DMD: variants seen among roughly 807,000 people sequenced by gnomAD.
DMD encodes dystrophin.
DMD carries 63 observed loss-of-function variants against 330.1 expected under a neutral mutation model. The ratio of observed to expected loss-of-function variants is 0.19; its 90% CI spans 0.16 to 0.24. The LOEUF is 0.24. Ranked by LOEUF, DMD falls within the 10% of genes least tolerant of loss-of-function variation. The probability of loss-of-function intolerance (pLI) is 1.00; values close to 1 mark genes in which losing one functional copy is unlikely to be tolerated. For synonymous variants in DMD, 1,223 were observed against 959.8 expected (o/e 1.27, Z -5.07); for missense variants, 3,344 against 2,684.1 (o/e 1.25, Z -5.43).
At chrX:32,594,878 G>C (rs1352194240) in intron 13 of DMD, among the ~76,000 whole-genome samples, 2 of 111,660 alleles carry the variant, frequency 1.8e-5, no homozygotes, top group African/African-American at 6.5e-5. Flanking sequence ...ATAAAGTATA[G>C]AACTCAAGCA....
chrX:32,753,190 C>G (rs773994744), intron 7 of DMD, among the ~76,000 whole-genome samples: 11 of 111,517 alleles, frequency 9.9e-5, no homozygotes, highest in Non-Finnish European at 1.7e-4. Context: ...CCTCCAGATA[C>G]AGATTCCCTG....
chrX:32,870,958 CAAAAAAAAAAAAAAAAAA>C lies in DMD; in HGVS notation c.94-21156_94-21139del, dbSNP rs745583714. On this transcript the variant is annotated intron_variant, in intron 2 of 78. Coordinates refer to ENST00000357033, the MANE Select transcript of DMD (RefSeq NM_004006.3). Reference sequence around the variant, plus strand: ...ATAGAACTAAAAGGCTTCTGTACAGCAAAAAAAAAAAAAAAAAAAAAAAAAAAAAACCACAAAACCCAT... The same window carrying C: ...ATAGAACTAAAAGGCTTCTGTACAGCAAAAAAAAAAAACCACAAAACCCAT... 1.6e-3 allele frequency among the ~76,000 whole-genome samples: 24 copies of C among 14,771 alleles called. No individual in the cohort carries two copies. In the South Asian group the frequency reaches 0.13, roughly 78 times the overall value. 12.8% of individuals were successfully genotyped at this position (14,771 alleles called of 115,157 possible).
At chrX:32,892,496 C>A (rs756742932) in intron 2 of DMD, among the ~76,000 whole-genome samples, 1 of 111,811 alleles carries the variant, frequency 8.9e-6, no homozygotes, top group Non-Finnish European at 1.9e-5. Flanking sequence ...TGGGTTCAAG[C>A]GATTGTCATG....
chrX:32,654,022 G>A (rs1158456744), intron 9 of DMD, among the ~76,000 whole-genome samples: 1 of 112,257 alleles, frequency 8.9e-6, no homozygotes, highest in Admixed American at 9.4e-5. Context: ...CTTTGCTGAA[G>A]TTGCTTATCA....
chrX:31,348,615 A>C lies in DMD; in HGVS notation c.9104T>G (p.Val3035Gly). Residue 3035 changes from valine to glycine, a missense_variant, in exon 61 of 79, where the codon GTC becomes GGC. Val to Gly is a moderately radical substitution (Grantham distance 109). Coordinates refer to ENST00000357033, the MANE Select transcript of DMD (RefSeq NM_004006.3). ...CCTGTGGGCTTCATGCAGCTGCCTG[A>C]CTCGGTCCTCGACGGCCACCTGGGA... is the stretch of plus-strand genomic sequence containing the variant. ...KLLQVAVEDRVRQLHEAHRDF... is the reference protein window; with the variant it reads ...KLLQVAVEDRGRQLHEAHRDF... The C allele has an allele frequency of 8.3e-7, 1 of 1,210,707 alleles. No individual in the cohort carries two copies. The highest frequency in any genetic ancestry group is 1.1e-6 in the Non-Finnish European group (1 of 894,877).
At chrX:32,266,171 T>C (rs905055199) in intron 43 of DMD, among the ~76,000 whole-genome samples, 1 of 111,582 alleles carries the variant, frequency 9.0e-6, no homozygotes, top group African/African-American at 3.3e-5. Context: ...GTTCTTGTGA[T>C]AGTGAGTTCT....
intron 37 of DMD, among the ~76,000 whole-genome samples, chrX:32,356,570 G>T (rs1335189006): frequency 1.8e-5 from 2 of 110,323 alleles, no homozygotes; most frequent in Non-Finnish European, 3.8e-5. Context: ...AAGAACATAT[G>T]CCAGATATAT....
intron 23 of DMD, among the ~76,000 whole-genome samples, chrX:32,465,716 G>A (rs185912393): frequency 1.4e-3 from 156 of 108,730 alleles, no homozygotes; most frequent in Non-Finnish European, 2.6e-3. Context: ...CTCCCAAGTA[G>A]CTGGGATTAC....
chrX:31,966,590 G>C (rs972818222), intron 45 of DMD, among the ~76,000 whole-genome samples: 1 of 110,362 alleles, frequency 9.1e-6, no homozygotes, highest in East Asian at 2.9e-4. Flanking sequence ...TGTTTAAATG[G>C]GAAAATTTTT....
chrX:31,163,146 GC>G (rs1696314299), intron 74 of DMD, among the ~76,000 whole-genome samples: 2 of 111,775 alleles, frequency 1.8e-5, no homozygotes, highest in Non-Finnish European at 3.8e-5. Context: ...ATATAGTTTG[GC>G]TGGATCTCCA....
intron 44 of DMD, among the ~76,000 whole-genome samples, chrX:32,033,591 C>CAGAA (rs1420861037): frequency 0.01 from 280 of 27,323 alleles, 5 homozygotes; most frequent in African/African-American, 0.023. Context: ...AAAAACAAGA[C>CAGAA]AGACAGACAG....
chrX:32,547,395 G>C (rs1198248114), intron 16 of DMD, among the ~76,000 whole-genome samples: 2 of 110,919 alleles, frequency 1.8e-5, no homozygotes, highest in East Asian at 5.7e-4. Flanking sequence ...AACCTTTTAA[G>C]AAAGAAAAAT....
intron 2 of DMD, among the ~76,000 whole-genome samples, chrX:32,892,993 A>T (rs73464896): frequency 0.012 from 1,300 of 112,001 alleles, 19 homozygotes; most frequent in East Asian, 0.083. Flanking sequence ...TAGAGTAAAA[A>T]TCATGTATCA....
intron 55 of DMD, among the ~76,000 whole-genome samples, chrX:31,588,300 C>T (rs1447996726): frequency 9.0e-6 from 1 of 111,291 alleles, no homozygotes; most frequent in Non-Finnish European, 1.9e-5. Context: ...TGTTGGATTG[C>T]TTTTCGTTAT....
chrX:32,620,255 C>A lies in DMD; in HGVS notation c.1332-5802G>T, dbSNP rs752472497. Among the ~76,000 whole-genome samples the A allele has an allele frequency of 6.3e-5, 7 of 111,868 alleles. No homozygotes were observed. In the East Asian group the frequency reaches 2.0e-3, roughly 32 times the overall value. On this transcript the variant is annotated intron_variant, in intron 11 of 78. Transcript: ENST00000357033. ...AGGCTATTTAAACCCCAACATGGAA[C>A]CTGTATGTAATGTTACATACCACTC...
At chrX:32,178,898 C>T (rs1378062713) in intron 44 of DMD, among the ~76,000 whole-genome samples, 2 of 98,259 alleles carry the variant, frequency 2.0e-5, no homozygotes, top group Non-Finnish European at 4.0e-5. Context: ...TCTTTGTAAA[C>T]TGTTTTCTAC....
chrX:33,121,413 G>A (rs1352835178), intron 1 of DMD, among the ~76,000 whole-genome samples: 4 of 109,922 alleles, frequency 3.6e-5, no homozygotes, highest in Non-Finnish European at 7.6e-5. Flanking sequence ...TTGTATTTTT[G>A]GTAGAGACGG....
intron 1 of DMD, among the ~76,000 whole-genome samples, chrX:33,268,078 C>G (rs2053079305): frequency 9.2e-6 from 1 of 108,588 alleles, no homozygotes; most frequent in Non-Finnish European, 1.9e-5. Flanking sequence ...CAACCTCTGC[C>G]TCCTGGGGTC....
At chrX:31,358,820 G>C (rs948824251) in intron 60 of DMD, among the ~76,000 whole-genome samples, 1 of 112,444 alleles carries the variant, frequency 8.9e-6, no homozygotes, top group Non-Finnish European at 1.9e-5. Flanking sequence ...TGTCAACGAA[G>C]TGTAGGTAAA....
Sources: gnomAD v4.1 joint callset for allele counts (sites outside exome capture counted in the v4.1 genomes callset) on GRCh38, gnomAD v4.1.1 for gene constraint, MANE v1.5 for transcripts, NCBI Gene and HGNC (gene_info 2026-07-23, HGNC 2026-07-21) for gene names.